SPIDR: variants seen among roughly 807,000 people sequenced by gnomAD.
The protein encoded by SPIDR is scaffold protein involved in DNA repair.
A neutral mutation model predicts 104.6 loss-of-function variants in SPIDR; 93 were observed. The ratio of observed to expected loss-of-function variants is 0.89; its 90% CI spans 0.75 to 1.06. SPIDR has a LOEUF of 1.06. SPIDR is among the 50% of genes least tolerant of loss of function. SPIDR has a pLI of 0.00. For synonymous variants in SPIDR, 431 were observed against 416.9 expected, an observed-to-expected ratio of 1.03 and a Z score of -0.41; for missense variants, 1,154 against 1,111.2, an observed-to-expected ratio of 1.04 and a Z score of -0.55.
chr8:47,567,780 C>CTTTTTTT (rs35199139), intron 8 of SPIDR, among the ~76,000 whole-genome samples: 77 of 71,004 alleles, frequency 1.1e-3, no homozygotes, highest in Non-Finnish European at 1.3e-3. Context: ...TTTTCTTTTT[C>CTTTTTTT]TTTTTTTTTT....
At chr8:47,344,776 G>T (rs2051524609) in intron 5 of SPIDR, among the ~76,000 whole-genome samples, 1 of 152,220 alleles carries the variant, frequency 6.6e-6, no homozygotes, top group Non-Finnish European at 1.5e-5. Context: ...CTTTTGAGAA[G>T]TGTCTGTTCA....
At chr8:47,422,310 G>T (rs538554766) in intron 7 of SPIDR, among the ~76,000 whole-genome samples, 135 of 152,226 alleles carry the variant, frequency 8.9e-4, no homozygotes, top group African/African-American at 3.2e-3. Flanking sequence ...CAGCAATGGC[G>T]GGCTCCCCTC....
intron 8 of SPIDR, among the ~76,000 whole-genome samples, chr8:47,460,809 C>T (rs903547066): frequency 1.3e-5 from 2 of 152,136 alleles, no homozygotes; most frequent in African/African-American, 4.8e-5. Flanking sequence ...GGATTTGTTT[C>T]AAGATTTAGA....
At chr8:47,718,305 A>G (rs1014754537) in intron 16 of SPIDR, among the ~76,000 whole-genome samples, 3 of 152,228 alleles carry the variant, frequency 2.0e-5, no homozygotes, top group African/African-American at 7.2e-5. Context: ...CAAAGAAGCA[A>G]GATTTCTAAA....
At chr8:47,457,864 T>G (rs879992482) in intron 8 of SPIDR, among the ~76,000 whole-genome samples, 1 of 152,180 alleles carries the variant, frequency 6.6e-6, no homozygotes, top group Non-Finnish European at 1.5e-5. Flanking sequence ...CTTTCCCCAC[T>G]TTATGTTTTT....
At chr8:47,432,968 A>G (rs1005547224) in intron 7 of SPIDR, among the ~76,000 whole-genome samples, 1 of 152,204 alleles carries the variant, frequency 6.6e-6, no homozygotes, top group Non-Finnish European at 1.5e-5. Context: ...ACTAAGAGGC[A>G]TCTCAGTCTT....
intron 10 of SPIDR, among the ~76,000 whole-genome samples, chr8:47,659,137 G>A (rs1279657063): frequency 6.6e-6 from 1 of 151,950 alleles, no homozygotes; most frequent in Admixed American, 6.6e-5. Flanking sequence ...GAGTGCGCCT[G>A]TGGTCCCAGC....
intron 5 of SPIDR, among the ~76,000 whole-genome samples, chr8:47,311,857 T>A (rs2044228665): frequency 6.6e-6 from 1 of 152,186 alleles, no homozygotes; most frequent in South Asian, 2.1e-4. Flanking sequence ...CTCCTAATGC[T>A]ATCCCTCCCC....
chr8:47,402,168 G>A lies in SPIDR; in HGVS notation c.776+5542G>A, dbSNP rs548236066. On this transcript the variant is annotated intron_variant, in intron 6 of 19. Coordinates refer to ENST00000297423, the MANE Select transcript of SPIDR (RefSeq NM_001080394.4). ...CACAGTGCAATCAAATGGTACTGGT[G>A]TCCCACTACGAGAATCTCTGGGACA... 1.1e-4 allele frequency among the ~76,000 whole-genome samples: 16 copies of A among 151,526 alleles called. No individual in the cohort carries two copies. The East Asian group carries it at 3.1e-3, about 29-fold the overall frequency.
chr8:47,370,288 T>C (rs1421811049), intron 5 of SPIDR, among the ~76,000 whole-genome samples: 7 of 152,186 alleles, frequency 4.6e-5, no homozygotes, highest in Non-Finnish European at 4.4e-5. Flanking sequence ...AGGCGCAATG[T>C]TGATTTTCTC....
intron 10 of SPIDR, among the ~76,000 whole-genome samples, chr8:47,649,815 A>T (rs2071272714): frequency 6.6e-6 from 1 of 152,244 alleles, no homozygotes. Flanking sequence ...ATACAGGTCA[A>T]TAAATATGAT....
chr8:47,455,110 G>C (rs953639073), intron 8 of SPIDR, among the ~76,000 whole-genome samples: 8 of 152,036 alleles, frequency 5.3e-5, no homozygotes, highest in Non-Finnish European at 1.0e-4. Flanking sequence ...TGTGCTTTTG[G>C]TATTGTTTGT....
At position 47,474,704 on chromosome 8, in the gene SPIDR, G is replaced by A. The variant is rs1297904049; in HGVS notation, c.1097+34162G>A. Among the ~76,000 whole-genome samples, 2 of 152,318 alleles carry A rather than the reference G, an allele frequency of 1.3e-5. 1 individual carries two copies. Among genetic ancestry groups the A allele is most frequent in the Middle Eastern group, 6.8e-3 (2 of 294 alleles). ...ATAAAACACCTGTTTGATTTATTCT[G>A]ACATCTAGAATCCTAAGGGTTTTTT... On this transcript the variant is annotated intron_variant, in intron 8 of 19. Coordinates refer to ENST00000297423, the MANE Select transcript of SPIDR (RefSeq NM_001080394.4).
At chr8:47,636,271 G>A (rs1352201809) in intron 10 of SPIDR, among the ~76,000 whole-genome samples, 1 of 152,142 alleles carries the variant, frequency 6.6e-6, no homozygotes, top group African/African-American at 2.4e-5. Flanking sequence ...AATTTAATCA[G>A]CAAATGTGTG....
intron 8 of SPIDR, among the ~76,000 whole-genome samples, chr8:47,501,109 T>C (rs879858324): frequency 1.8e-4 from 28 of 152,230 alleles, no homozygotes; most frequent in Non-Finnish European, 4.0e-4. Flanking sequence ...TGGCTTAGGA[T>C]TGACTTGGGG....
intron 8 of SPIDR, among the ~76,000 whole-genome samples, chr8:47,593,638 G>A (rs1450121107): frequency 6.6e-6 from 1 of 152,212 alleles, no homozygotes; most frequent in Non-Finnish European, 1.5e-5. Flanking sequence ...CTTTTAGGTA[G>A]CTTCATCTGA....
intron 7 of SPIDR, among the ~76,000 whole-genome samples, chr8:47,429,778 T>C (rs2154338828): frequency 6.6e-6 from 1 of 151,728 alleles, no homozygotes; most frequent in East Asian, 1.9e-4. Context: ...TTTTTTTTTT[T>C]CTGGTCTGTA....
chr8:47,576,751 A>C (rs776625577), intron 8 of SPIDR, among the ~76,000 whole-genome samples: 19 of 152,246 alleles, frequency 1.2e-4, no homozygotes, highest in Non-Finnish European at 2.6e-4. Flanking sequence ...TCATTTTTAT[A>C]AAGCAGTCTA....
At chr8:47,545,242 G>T (rs1040762474) in intron 8 of SPIDR, among the ~76,000 whole-genome samples, 1 of 149,902 alleles carries the variant, frequency 6.7e-6, no homozygotes, top group Non-Finnish European at 1.5e-5. Context: ...GCCAATTTTT[G>T]TATTTTTAGT....
Sources: gnomAD v4.1 joint callset for allele counts (sites outside exome capture counted in the v4.1 genomes callset) on GRCh38, gnomAD v4.1.1 for gene constraint, MANE v1.5 for transcripts, NCBI Gene and HGNC (gene_info 2026-07-23, HGNC 2026-07-21) for gene names.